VPS35: variants seen among roughly 807,000 people sequenced by gnomAD.
The protein encoded by VPS35 is VPS35 retromer complex component, also known as vacuolar protein sorting-associated protein 35.
A neutral mutation model predicts 98.1 loss-of-function variants in VPS35; 21 were observed. That is an observed-to-expected ratio of 0.21 (90% CI 0.15 to 0.31). The LOEUF is 0.31. Ranked by LOEUF, VPS35 falls within the 10% of genes least tolerant of loss-of-function variation. The probability of loss-of-function intolerance (pLI) is 1.00; values close to 1 mark genes in which losing one functional copy is unlikely to be tolerated. For synonymous variants in VPS35, 268 were observed against 318.2 expected (o/e 0.84, Z 1.68); for missense variants, 554 against 950.8 (o/e 0.58, Z 5.49).
At position 46,660,185 on chromosome 16, in the gene VPS35, T is replaced by A; in HGVS notation, c.*287A>T. 1 of 100,900 alleles carries A rather than the reference T, an allele frequency of 9.9e-6. No homozygotes were observed. The highest frequency in any genetic ancestry group is 1.7e-5 in the Non-Finnish European group (1 of 57,822). The allele number at this position is 100,900 out of a possible 1,614,324, so 6.3% of individuals were successfully genotyped here. A position where few individuals can be genotyped will look rare whatever the true frequency, so the allele number is the denominator to read the frequency against. ...AGTAGCCAAGATAAGTGCTTGTGGG[T>A]TTTGTGTTTTTTTTTTTTTTTTTTT... On this transcript the variant is annotated 3_prime_UTR_variant, in exon 17 of 17. Transcript: ENST00000299138.
chr16:46,676,660 C>T lies in VPS35; in HGVS notation c.837G>A (p.Leu279=). The stretch of plus-strand genomic sequence containing the variant: ...CAGCACAGGCCCGAAGAAAAGGATT[C>T]AAAGTCTGGAGGTGAAATTCATCAG... ...VFPDEFHLQT[L]NPFLRACAEL... Residue 279 remains leucine (L), a synonymous_variant, in exon 8 of 17, where the codon TTG becomes TTA. Transcript: ENST00000299138. The T allele has an allele frequency of 6.2e-7, 1 of 1,613,426 alleles. No individual in the cohort carries two copies. The highest frequency in any genetic ancestry group is 8.5e-7 in the Non-Finnish European group (1 of 1,179,688).
Position 46,682,145 on chromosome 16 carries a change from G to A in VPS35, c.133C>T (p.His45Tyr), listed in dbSNP as rs1448750143. Reference protein sequence around the residue: ...DKNKLMDALKHASNMLGELRT... With the variant: ...DKNKLMDALKYASNMLGELRT... ...AGTTCACCAAGCATATTAGAAGCAT[G>A]TTTTAGAGCATCCATAAGCTTGTTT... Residue 45 changes from histidine (H) to tyrosine (Y), a missense_variant, in exon 3 of 17, where the codon CAT becomes TAT. By Grantham distance (83) the His-to-Tyr change is moderately conservative. This residue lies in a region of VPS35 where 67 missense variants were observed against 103.3 expected (regional missense o/e 0.65). Transcript: ENST00000299138. 2.5e-6 allele frequency: 4 copies of A among 1,613,336 alleles called. No homozygotes were observed. Among genetic ancestry groups the A allele is most frequent in the Non-Finnish European group, 3.4e-6 (4 of 1,179,570 alleles).
intron 2 of VPS35, chr16:46,682,608 A>C (rs1277040858): frequency 5.8e-6 from 1 of 173,084 alleles, no homozygotes. Context: ...TTCCTCTTGC[A>C]TTCTTCAAGC....
Position 46,658,766 on chromosome 16 carries a change from T to A in VPS35, c.*1706A>T, listed in dbSNP as rs1362055760. On this transcript the variant is annotated 3_prime_UTR_variant, in exon 17 of 17. Transcript: ENST00000299138. ...TGGCTTAACATTTGATACATTTTAG[T>A]GGTACTAATTTTATAACTTTGGGAA... The A allele has an allele frequency of 6.6e-6, 1 of 152,228 alleles. No individual in the cohort carries two copies. Among genetic ancestry groups the A allele is most frequent in the Non-Finnish European group, 1.5e-5 (1 of 68,032 alleles). 9.4% of individuals were successfully genotyped at this position (152,228 alleles called of 1,614,324 possible).
At chr16:46,668,858 AAAAC>A (rs1408154960) in intron 13 of VPS35, 68 bp downstream of exon 13, 11 of 1,580,582 alleles carry the variant, frequency 7.0e-6, no homozygotes, top group Admixed American at 1.8e-5. Context: ...TTTATAATAT[AAAAC>A]AAACACACAC....
Position 46,671,851 on chromosome 16 carries a change from T to G in VPS35, c.1378A>C (p.Ile460Leu). 6.2e-7 allele frequency: 1 copy of G among 1,612,626 alleles called. No individual in the cohort carries two copies. Among genetic ancestry groups the G allele is most frequent in the South Asian group, 1.1e-5 (1 of 91,018 alleles). The change falls in exon 12 of 17, where the codon ATA becomes CTA. Residue 460 changes from isoleucine to leucine, a missense_variant. Coordinates refer to ENST00000299138, the MANE Select transcript of VPS35 (RefSeq NM_018206.6). ...EIVSQDQVDSIMNLVSTLIQD... is the reference protein window; with the variant it reads ...EIVSQDQVDSLMNLVSTLIQD... The stretch of plus-strand genomic sequence containing the variant: ...ATCAACGTGGATACCAAATTCATTA[T>G]GGAATCCACCTGTAACATGCGAGGC...
rs915049652 is a variant in VPS35 at position 46,661,613 on chromosome 16, C to T, written c.2211+105G>A. 3 of 1,037,384 alleles carry T rather than the reference C, an allele frequency of 2.9e-6. No individual in the cohort carries two copies. Among genetic ancestry groups the T allele is most frequent in the Non-Finnish European group, 2.9e-6 (2 of 687,530 alleles). 64.3% of individuals were successfully genotyped at this position (1,037,384 alleles called of 1,614,324 possible). A position where few individuals can be genotyped will look rare whatever the true frequency, so the allele number is the denominator to read the frequency against. The stretch of plus-strand genomic sequence containing the variant: ...AATTATTTTACATTTTTCAAATGAA[C>T]AGTGATTAAAGTATCAGAATGATAA... On this transcript the variant is annotated intron_variant, in intron 16 of 16. Coordinates refer to ENST00000299138, the MANE Select transcript of VPS35 (RefSeq NM_018206.6). The surrounding 1 kb of genome is among the most constrained non-coding windows in gnomAD (Gnocchi z 4.3).
chr16:46,671,121 T>C (rs1330255875), intron 12 of VPS35, among the ~76,000 whole-genome samples: 1 of 151,878 alleles, frequency 6.6e-6, no homozygotes, highest in Non-Finnish European at 1.5e-5. Context: ...TGATTGTTCT[T>C]TATCAGAAAA....
intron 2 of VPS35, 136 bp from the exon 3 acceptor site, chr16:46,682,311 TA>T: frequency 1.4e-6 from 1 of 718,512 alleles, no homozygotes; most frequent in East Asian, 2.8e-5. Flanking sequence ...TTAACCACAT[TA>T]AAAAAACAAC....
intron 12 of VPS35, among the ~76,000 whole-genome samples, chr16:46,671,123 A>G (rs1463799871): frequency 6.6e-6 from 1 of 152,124 alleles, no homozygotes; most frequent in Non-Finnish European, 1.5e-5. Flanking sequence ...ATTGTTCTTT[A>G]TCAGAAAAAA....
At chr16:46,680,461 A>G (rs755412146) in intron 5 of VPS35, among the ~76,000 whole-genome samples, 1 of 152,256 alleles carries the variant, frequency 6.6e-6, no homozygotes. Context: ...AACAATCCAA[A>G]GATAAAATTT....
chr16:46,672,963 C>T (rs1303365057), intron 10 of VPS35, among the ~76,000 whole-genome samples: 2 of 152,108 alleles, frequency 1.3e-5, no homozygotes, highest in African/African-American at 4.8e-5. Flanking sequence ...CTGACTTTTA[C>T]GTAGTTGTTA....
intron 12 of VPS35, 29 bp downstream of exon 12, chr16:46,671,676 A>C (rs758184003): frequency 6.2e-7 from 1 of 1,613,900 alleles, no homozygotes; most frequent in East Asian, 2.2e-5. Flanking sequence ...AGGAGCTGAT[A>C]CAGGGATATA....
intron 5 of VPS35, among the ~76,000 whole-genome samples, chr16:46,679,970 C>A (rs1966209131): frequency 6.6e-6 from 1 of 150,670 alleles, no homozygotes; most frequent in African/African-American, 2.4e-5. Flanking sequence ...TCTGTTGGGG[C>A]AAACTGAAAA....
At chr16:46,662,002 G>C (rs564194189) in intron 15 of VPS35, 141 bp from the exon 16 acceptor site, 4 of 1,365,340 alleles carry the variant, frequency 2.9e-6, no homozygotes, top group Non-Finnish European at 4.0e-6. Flanking sequence ...CCTTCTTCTT[G>C]TTTTGAAGTA....
At chr16:46,676,774 GA>G (rs148918317) in intron 7 of VPS35, 82 bp from the exon 8 acceptor site, 3 of 974,580 alleles carry the variant, frequency 3.1e-6, no homozygotes, top group Non-Finnish European at 4.9e-6. Flanking sequence ...ACATTTGTGG[GA>G]AAAAAACACT....
Position 46,680,751 on chromosome 16 carries a change from A to T in VPS35, c.426T>A (p.His142Gln). Residue 142 changes from histidine (H) to glutamine (Q), a missense_variant, in exon 5 of 17, where the codon CAT becomes CAA. Physicochemically the swap from His to Gln is conservative, Grantham distance 24 (BLOSUM62 0). This residue lies in a region of VPS35 where 77 missense variants were observed against 222.3 expected (regional missense o/e 0.35). Transcript: ENST00000299138. ...TTCGAAGAAACAGACCCCTCAAGGG[A>T]TGTTGCACACCACGGCACATTTCTA... The part of the protein sequence containing the change: ...DLVEMCRGVQ[H>Q]PLRGLFLRNY... The T allele has an allele frequency of 6.2e-7, 1 of 1,614,120 alleles. No homozygotes were observed. Among genetic ancestry groups the T allele is most frequent in the Non-Finnish European group, 8.5e-7 (1 of 1,179,980 alleles).
Position 46,660,258 on chromosome 16 carries a change from G to A in VPS35, c.*214C>T. On this transcript the variant is annotated 3_prime_UTR_variant, in exon 17 of 17. Coordinates refer to ENST00000299138, the MANE Select transcript of VPS35 (RefSeq NM_018206.6). The stretch of plus-strand genomic sequence containing the variant: ...ATTGCAGATCAGTCATGCTACTTGG[G>A]GTGATCAGAAAGACTTGAACACTTA... 1 of 410,846 alleles carries A rather than the reference G, an allele frequency of 2.4e-6. No individual in the cohort carries two copies. The highest frequency in any genetic ancestry group is 4.4e-6 in the Non-Finnish European group (1 of 228,848). The allele number at this position is 410,846 out of a possible 1,614,324, so 25.5% of individuals were successfully genotyped here.
intron 4 of VPS35, 22 bp from the exon 5 acceptor site, chr16:46,680,875 G>A (rs1966224117): frequency 1.9e-6 from 3 of 1,604,442 alleles, no homozygotes; most frequent in Non-Finnish European, 2.6e-6. Flanking sequence ...ATGAAGAAAT[G>A]CTGATTAGAA....
Sources: allele counts gnomAD v4.1 joint callset (sites outside exome capture counted in the v4.1 genomes callset), GRCh38; gene constraint gnomAD v4.1.1; regional missense constraint gnomAD v4.1.1; non-coding constraint Gnocchi (gnomAD v3.1); transcripts MANE v1.5; gene names NCBI Gene and HGNC (gene_info 2026-07-23, HGNC 2026-07-21).